The following PPP1R11 variants were observed in gnomAD, a reference collection of about 807,000 sequenced individuals.
PPP1R11 encodes the protein E3 ubiquitin-protein ligase PPP1R11.
Under a neutral mutation model 11.3 loss-of-function variants are expected in PPP1R11, and 10 were observed. That is an observed-to-expected ratio of 0.88 (90% CI 0.55 to 1.50). PPP1R11 has a LOEUF of 1.50. Ranked by LOEUF, PPP1R11 falls within the 40% of genes most tolerant of loss-of-function variation. The pLI is 0.00. For synonymous variants in PPP1R11, 56 were observed against 62.3 expected (o/e 0.90, Z 0.48); for missense variants, 114 against 179.1 (o/e 0.64, Z 2.07).
Position 30,067,202 on chromosome 6 carries a change from C to T in PPP1R11, c.-209C>T. The T allele has an allele frequency of 1.9e-6, 1 of 536,442 alleles. No homozygotes were observed. Among genetic ancestry groups the T allele is most frequent in the Middle Eastern group, 3.4e-4 (1 of 2,968 alleles). 33.2% of individuals were successfully genotyped at this position (536,442 alleles called of 1,614,324 possible). On this transcript the variant is annotated 5_prime_UTR_variant, in exon 1 of 3. Transcript: ENST00000376772. ...AAAAGGGGGACTGCAGTATGCGTCA[C>T]ACCCGGAAGCGGCGAGCCGGAAGTG...
chr6:30,069,389 C>G lies in PPP1R11; in HGVS notation c.*83C>G. 4 of 1,094,788 alleles carry G rather than the reference C, an allele frequency of 3.7e-6. No individual in the cohort carries two copies. Among genetic ancestry groups the G allele is most frequent in the East Asian group, 5.0e-5 (2 of 39,746 alleles). 67.8% of individuals were successfully genotyped at this position (1,094,788 alleles called of 1,614,324 possible). A position where few individuals can be genotyped will look rare whatever the true frequency, so the allele number is the denominator to read the frequency against. Reference sequence around the variant, plus strand: ...TACTTCTCCAGCCCCCTCCTTCCCTCTCTTCTGCCTGATAGAGGGAAGAGG... The same window carrying G: ...TACTTCTCCAGCCCCCTCCTTCCCTGTCTTCTGCCTGATAGAGGGAAGAGG... On this transcript the variant is annotated 3_prime_UTR_variant, in exon 3 of 3. Coordinates refer to ENST00000376772, the MANE Select transcript of PPP1R11 (RefSeq NM_021959.3). This position sits in a 1 kb window ranked among gnomAD's most constrained non-coding sequence, Gnocchi z 6.6.
chr6:30,069,643 A>C lies in PPP1R11; in HGVS notation c.*337A>C. The C allele has an allele frequency of 1.3e-5, 4 of 312,564 alleles. No homozygotes were observed. The highest frequency in any genetic ancestry group is 1.8e-5 in the Non-Finnish European group (3 of 171,282). 19.4% of individuals were successfully genotyped at this position (312,564 alleles called of 1,614,324 possible). ...CTCAACATGAGTAGCGAACACTTAA[A>C]TTGGGTTTTCAACAGTCCCAGCTTT... On this transcript the variant is annotated 3_prime_UTR_variant, in exon 3 of 3. Transcript: ENST00000376772. This position sits in a 1 kb window ranked among gnomAD's most constrained non-coding sequence, Gnocchi z 6.6.
Position 30,067,404 on chromosome 6 carries a change from C to T in PPP1R11, c.-7C>T, listed in dbSNP as rs1297858198. Reference sequence around the variant, plus strand: ...TCCTCCTCTCCTCCCTGTCCTGAGCCTTAGCCATGGCCGAGGCAGGGGCTG... The same window carrying T: ...TCCTCCTCTCCTCCCTGTCCTGAGCTTTAGCCATGGCCGAGGCAGGGGCTG... On this transcript the variant is annotated 5_prime_UTR_variant, in exon 1 of 3. Coordinates refer to ENST00000376772, the MANE Select transcript of PPP1R11 (RefSeq NM_021959.3). The T allele has an allele frequency of 1.9e-6, 3 of 1,613,820 alleles. No individual in the cohort carries two copies. The highest frequency in any genetic ancestry group is 2.2e-5 in the East Asian group (1 of 44,896).
At chr6:30,062,947 T>A (rs1765234273), upstream of PPP1R11, among the ~76,000 whole-genome samples, 1 of 151,734 alleles carries the variant, frequency 6.6e-6, no homozygotes, top group Non-Finnish European at 1.5e-5. Flanking sequence ...GTGGTCAGCA[T>A]CTTATACTGC....
At chr6:30,064,326 GA>G (rs1765341691), upstream of PPP1R11, among the ~76,000 whole-genome samples, 1 of 149,812 alleles carries the variant, frequency 6.7e-6, no homozygotes, top group African/African-American at 2.4e-5. Context: ...ATAAAAAGAA[GA>G]TTTTTTTTCC....
upstream of PPP1R11, among the ~76,000 whole-genome samples, chr6:30,066,020 G>T (rs1765493539): frequency 1.3e-5 from 2 of 152,090 alleles, no homozygotes; most frequent in Non-Finnish European, 2.9e-5. Context: ...TAGCTATCTT[G>T]TTTGACCCCC....
Position 30,069,372 on chromosome 6 carries a change from C to A in PPP1R11, c.*66C>A. The A allele has an allele frequency of 8.2e-7, 1 of 1,220,318 alleles. No homozygotes were observed. Among genetic ancestry groups the A allele is most frequent in the Non-Finnish European group, 1.1e-6 (1 of 875,038 alleles). 75.6% of individuals were successfully genotyped at this position (1,220,318 alleles called of 1,614,324 possible). A position where few individuals can be genotyped will look rare whatever the true frequency, so the allele number is the denominator to read the frequency against. ...AAATGTATCCATGTGGCTACTTCTCCAGCCCCCTCCTTCCCTCTCTTCTGC... is the reference window on the plus strand; with the variant it reads ...AAATGTATCCATGTGGCTACTTCTCAAGCCCCCTCCTTCCCTCTCTTCTGC... On this transcript the variant is annotated 3_prime_UTR_variant, in exon 3 of 3. Transcript: ENST00000376772. The surrounding 1 kb of genome is among the most constrained non-coding windows in gnomAD (Gnocchi z 6.6).
chr6:30,062,215 T>A, upstream of PPP1R11: 1 of 1,610,358 alleles, frequency 6.2e-7, no homozygotes, highest in Non-Finnish European at 8.5e-7. Flanking sequence ...CCCACCAGTT[T>A]CTTCCCAGGT....
chr6:30,065,659 A>T (rs988868943), upstream of PPP1R11, among the ~76,000 whole-genome samples: 1 of 152,118 alleles, frequency 6.6e-6, no homozygotes, highest in Non-Finnish European at 1.5e-5. The surrounding 1 kb of genome is among the most constrained non-coding windows in gnomAD (Gnocchi z 5.3). Flanking sequence ...CATGTTGTTC[A>T]AGGATGAATT....
intron 1 of PPP1R11, 96 bp from the exon 2 acceptor site, chr6:30,068,494 T>A (rs1424933477): frequency 3.1e-6 from 3 of 956,178 alleles, no homozygotes; most frequent in African/African-American, 1.6e-5. Context: ...TGGTACTGAT[T>A]GAGCTAAAGA....
At chr6:30,063,682 T>A (rs1396016547), upstream of PPP1R11, among the ~76,000 whole-genome samples, 1 of 152,016 alleles carries the variant, frequency 6.6e-6, no homozygotes, top group Non-Finnish European at 1.5e-5. This position sits in a 1 kb window ranked among gnomAD's most constrained non-coding sequence, Gnocchi z 4.1. Context: ...TAAATTCGAG[T>A]TTTTTAGAAC....
At position 30,068,588 on chromosome 6, in the gene PPP1R11, A is replaced by T; in HGVS notation, c.70-2A>T. 1 of 1,611,200 alleles carries T rather than the reference A, an allele frequency of 6.2e-7. No homozygotes were observed. The highest frequency in any genetic ancestry group is 1.1e-5 in the South Asian group (1 of 90,996). ...TAGGTATGCTCATCCTTAACCTTCT[A>T]GGAGAACCGGAGCCTTACCATCAAA... On this transcript the variant is annotated splice_acceptor_variant, in intron 1 of 2. Coordinates refer to ENST00000376772, the MANE Select transcript of PPP1R11 (RefSeq NM_021959.3). LOFTEE classifies it high-confidence loss of function.
Position 30,069,222 on chromosome 6 carries a change from T to A in PPP1R11, c.297T>A (p.Arg99=), listed in dbSNP as rs374994307. 1 of 1,612,790 alleles carries A rather than the reference T, an allele frequency of 6.2e-7. No homozygotes were observed. The highest frequency in any genetic ancestry group is 1.3e-5 in the African/African-American group (1 of 74,860). Residue 99 remains arginine (R), a synonymous_variant, in exon 3 of 3, where the codon CGT becomes CGA. Transcript: ENST00000376772. This position sits in a 1 kb window ranked among gnomAD's most constrained non-coding sequence, Gnocchi z 6.6. ...TACGTGGCCACCGCAAAGGACGGCG[T>A]CGTGCAACCCTAGGACCGACCCCCA... ...HCVRGHRKGR[R]RATLGPTPTT... is the part of the protein sequence containing the mutation.
chr6:30,062,462 G>A, upstream of PPP1R11: 1 of 591,270 alleles, frequency 1.7e-6, no homozygotes, highest in Non-Finnish European at 3.0e-6. Context: ...TCTGGTAATA[G>A]GGAGATTTGT....
chr6:30,062,430 C>A, upstream of PPP1R11: 2 of 788,446 alleles, frequency 2.5e-6, no homozygotes, highest in Non-Finnish European at 4.3e-6. Context: ...TCCCTTGGTC[C>A]CATCCCTTAT....
At position 30,067,494 on chromosome 6, in the gene PPP1R11, G is replaced by C; in HGVS notation, c.69+15G>C. Reference sequence around the variant, plus strand: ...CAACCGAGCCCGTGAGAAAGGCGGGGGGGCGGTGCTGTTTAGGGGTCTGGG... The same window carrying C: ...CAACCGAGCCCGTGAGAAAGGCGGGCGGGCGGTGCTGTTTAGGGGTCTGGG... On this transcript the variant is annotated intron_variant, in intron 1 of 2. Transcript: ENST00000376772. The C allele has an allele frequency of 6.2e-7, 1 of 1,612,670 alleles. No individual in the cohort carries two copies. Among genetic ancestry groups the C allele is most frequent in the South Asian group, 1.1e-5 (1 of 91,054 alleles).
chr6:30,069,358 T>C lies in PPP1R11; in HGVS notation c.*52T>C. 7.3e-7 allele frequency: 1 copy of C among 1,364,282 alleles called. No homozygotes were observed. The highest frequency in any genetic ancestry group is 1.0e-6 in the Non-Finnish European group (1 of 999,920). 84.5% of individuals were successfully genotyped at this position (1,364,282 alleles called of 1,614,324 possible). On this transcript the variant is annotated 3_prime_UTR_variant, in exon 3 of 3. Coordinates refer to ENST00000376772, the MANE Select transcript of PPP1R11 (RefSeq NM_021959.3). The surrounding 1 kb of genome is among the most constrained non-coding windows in gnomAD (Gnocchi z 6.6). ...GTCTGTCTGGCCCTAAATGTATCCA[T>C]GTGGCTACTTCTCCAGCCCCCTCCT...
rs1439536233 is a variant in PPP1R11 at position 30,069,374 on chromosome 6, GC to G, written c.*73del. On this transcript the variant is annotated 3_prime_UTR_variant, in exon 3 of 3. Transcript: ENST00000376772. The surrounding 1 kb of genome is among the most constrained non-coding windows in gnomAD (Gnocchi z 6.6). The stretch of plus-strand genomic sequence containing the variant: ...ATGTATCCATGTGGCTACTTCTCCA[GC>G]CCCCTCCTTCCCTCTCTTCTGCCTG... 297 of 1,224,138 alleles carry G rather than the reference GC, an allele frequency of 2.4e-4. 1 individual carries two copies. The highest frequency in any genetic ancestry group is 1.0e-5 in the Non-Finnish European group (9 of 879,502). The allele number at this position is 1,224,138 out of a possible 1,614,324, so 75.8% of individuals were successfully genotyped here. A position where few individuals can be genotyped will look rare whatever the true frequency, so the allele number is the denominator to read the frequency against.
chr6:30,065,260 AC>A (rs1414779236), upstream of PPP1R11, among the ~76,000 whole-genome samples: 1 of 152,166 alleles, frequency 6.6e-6, no homozygotes, highest in Non-Finnish European at 1.5e-5. This position sits in a 1 kb window ranked among gnomAD's most constrained non-coding sequence, Gnocchi z 5.3. Context: ...TAAATACAAT[AC>A]ACAGTTGACC....
Sources: gnomAD v4.1 joint callset for allele counts (sites outside exome capture counted in the v4.1 genomes callset) on GRCh38, gnomAD v4.1.1 for gene constraint, Gnocchi (gnomAD v3.1) non-coding constraint, MANE v1.5 for transcripts, NCBI Gene and HGNC (gene_info 2026-07-23, HGNC 2026-07-21) for gene names.